The following STK32A variants were observed in gnomAD, a reference collection of about 807,000 sequenced individuals.
STK32A encodes serine/threonine kinase 32A.
In STK32A, 41 loss-of-function variants were observed where a neutral mutation model predicts 53.2. That is an observed-to-expected ratio of 0.77 (90% CI 0.60 to 1.00). The LOEUF (loss-of-function observed/expected upper bound fraction) is 1.00, where lower values mean the gene tolerates loss of function less well. STK32A is among the 50% of genes least tolerant of loss of function. The probability of loss-of-function intolerance (pLI) is 0.00; values close to 1 mark genes in which losing one functional copy is unlikely to be tolerated. For synonymous variants in STK32A, 166 were observed against 162.8 expected (o/e 1.02, Z -0.15); for missense variants, 458 against 485.8 (o/e 0.94, Z 0.54).
At chr5:147,254,019 T>C (rs1447668833) in intron 2 of STK32A, among the ~76,000 whole-genome samples, 4 of 152,164 alleles carry the variant, frequency 2.6e-5, no homozygotes, top group Non-Finnish European at 5.9e-5. Context: ...CCTCTCTTCA[T>C]AGATCTTAAA....
At position 147,294,892 on chromosome 5, in the gene STK32A, C is replaced by T. The variant is rs146372987; in HGVS notation, c.260+15494C>T. On this transcript the variant is annotated intron_variant, in intron 4 of 12. Transcript: ENST00000397936. ...GAGAGACGGGGTTTCACTGTGTTTG[C>T]CAGGGTGGTCTCGATCTCCTGACCG... 6.0e-3 allele frequency among the ~76,000 whole-genome samples: 908 copies of T among 152,190 alleles called. 6 individuals are homozygous for T. The highest frequency in any genetic ancestry group is 0.02 in the African/African-American group (850 of 41,524).
Position 147,355,792 on chromosome 5 carries a change from G to GTATATA in STK32A, c.562+4653_562+4658dup, listed in dbSNP as rs140534042. On this transcript the variant is annotated intron_variant, in intron 7 of 12. Coordinates refer to ENST00000397936, the MANE Select transcript of STK32A (RefSeq NM_001112724.2). ...TATGTATGTGTGTGAGTGTGTGTGTGTATATATATATATATATATAAATAA... is the reference window on the plus strand; with the variant it reads ...TATGTATGTGTGTGAGTGTGTGTGTGTATATATATATATATATATATATATAAATAA... Among the ~76,000 whole-genome samples the GTATATA allele has an allele frequency of 2.7e-5, 4 of 147,848 alleles. No homozygotes were observed. The East Asian group carries it at 5.9e-4, about 22-fold the overall frequency.
chr5:147,257,213 A>G (rs997603048), intron 2 of STK32A, among the ~76,000 whole-genome samples: 4 of 149,686 alleles, frequency 2.7e-5, no homozygotes, highest in Non-Finnish European at 5.9e-5. Context: ...TCCACAGAAC[A>G]TTGGACCAAC....
chr5:147,248,089 C>T (rs1753830462), intron 2 of STK32A, among the ~76,000 whole-genome samples: 1 of 147,384 alleles, frequency 6.8e-6, no homozygotes, highest in East Asian at 2.0e-4. Context: ...CCATTGCACT[C>T]CAGCCGGGGC....
intron 4 of STK32A, among the ~76,000 whole-genome samples, chr5:147,284,708 A>C (rs563542021): frequency 0.018 from 1,174 of 65,912 alleles, 21 homozygotes; most frequent in African/African-American, 0.089. Flanking sequence ...AAAAAACAAC[A>C]AAAAAAAAAC....
At chr5:147,300,972 C>T (rs1449394667) in intron 4 of STK32A, among the ~76,000 whole-genome samples, 1 of 152,138 alleles carries the variant, frequency 6.6e-6, no homozygotes, top group African/African-American at 2.4e-5. Flanking sequence ...TCCCCTTCAC[C>T]CTCTGAAGGT....
chr5:147,250,738 G>A (rs983746363), intron 2 of STK32A, among the ~76,000 whole-genome samples: 4 of 151,982 alleles, frequency 2.6e-5, no homozygotes, highest in Admixed American at 6.6e-5. Context: ...TCAGGAGATC[G>A]AGACCATCCT....
the STK32A span, among the ~76,000 whole-genome samples, chr5:147,395,368 T>G: frequency 6.6e-6 from 1 of 152,186 alleles, no homozygotes; most frequent in African/African-American, 2.4e-5. Context: ...CTTGTCTTAC[T>G]TTCTTACCAG....
intron 2 of STK32A, among the ~76,000 whole-genome samples, chr5:147,244,696 C>T (rs1753711588): frequency 6.6e-6 from 1 of 152,088 alleles, no homozygotes; most frequent in East Asian, 1.9e-4. Flanking sequence ...AGAAAAGTCT[C>T]CAAACCTAAA....
rs1420260984 is a variant in STK32A, at chr5:147,383,422, T to G, written c.1033-19T>G. Reference sequence around the variant, plus strand: ...TCTGCTAACTATACCTCTATTTTTTTTCTACGTTCACCTGGAAGACATGTC... The same window carrying G: ...TCTGCTAACTATACCTCTATTTTTTGTCTACGTTCACCTGGAAGACATGTC... On this transcript the variant is annotated intron_variant, in intron 11 of 12. Transcript: ENST00000397936. 9 of 1,580,290 alleles carry G rather than the reference T, an allele frequency of 5.7e-6. No individual in the cohort carries two copies. The highest frequency in any genetic ancestry group is 8.6e-7 in the Non-Finnish European group (1 of 1,161,718).
intron 1 of STK32A, among the ~76,000 whole-genome samples, chr5:147,237,249 C>T (rs550594696): frequency 2.8e-3 from 429 of 151,938 alleles, no homozygotes; most frequent in African/African-American, 1.0e-2. Flanking sequence ...GGAGGCAGAG[C>T]TTGCAGTGAG....
chr5:147,301,186 T>C (rs114908980), intron 4 of STK32A, among the ~76,000 whole-genome samples: 3,037 of 152,290 alleles, frequency 0.02, 39 homozygotes, highest in Non-Finnish European at 0.03. Flanking sequence ...GTTATGTAGA[T>C]GAAATCTCAC....
chr5:147,255,786 T>C (rs1231579833), intron 2 of STK32A, among the ~76,000 whole-genome samples: 1 of 152,234 alleles, frequency 6.6e-6, no homozygotes, highest in African/African-American at 2.4e-5. Flanking sequence ...CACTGTTGGT[T>C]GTAGTAGCTG....
At chr5:147,287,896 G>T in intron 4 of STK32A, among the ~76,000 whole-genome samples, 1 of 151,118 alleles carries the variant, frequency 6.6e-6, no homozygotes, top group East Asian at 1.9e-4. Context: ...TAAGGCCTTA[G>T]CATTTTACCT....
At chr5:147,343,264 AATC>A (rs1486202143) in intron 6 of STK32A, 1 of 728,580 alleles carries the variant, frequency 1.4e-6, no homozygotes, top group South Asian at 1.4e-5. Flanking sequence ...CTAATGAGAA[AATC>A]ATAGTCTACT....
At chr5:147,273,040 A>T (rs535432675) in intron 2 of STK32A, among the ~76,000 whole-genome samples, 3 of 152,362 alleles carry the variant, frequency 2.0e-5, no homozygotes, top group Admixed American at 6.5e-5. Flanking sequence ...AAAAATAGAA[A>T]AAAAGGGCAT....
intron 11 of STK32A, among the ~76,000 whole-genome samples, chr5:147,377,416 G>A (rs928633424): frequency 1.3e-5 from 2 of 151,954 alleles, no homozygotes; most frequent in African/African-American, 2.4e-5. Context: ...AGCTTCCTCA[G>A]GACAATTTCT....
chr5:147,304,671 C>T (rs1561706599), intron 4 of STK32A, among the ~76,000 whole-genome samples: 2 of 152,150 alleles, frequency 1.3e-5, no homozygotes, highest in African/African-American at 4.8e-5. Flanking sequence ...AGAAAGACAA[C>T]AGTCATGAAG....
intron 2 of STK32A, among the ~76,000 whole-genome samples, chr5:147,256,573 G>A (rs747816273): frequency 2.0e-5 from 3 of 152,116 alleles, no homozygotes; most frequent in Admixed American, 6.5e-5. Context: ...GTGCAATGGC[G>A]CAATCTTGGC....
Sources: allele counts gnomAD v4.1 joint callset (sites outside exome capture counted in the v4.1 genomes callset), GRCh38; gene constraint gnomAD v4.1.1; transcripts MANE v1.5; gene names NCBI Gene and HGNC (gene_info 2026-07-23, HGNC 2026-07-21).